Variants in NOTCH2 observed in about 807,000 individuals in gnomAD.
The protein encoded by NOTCH2 is neurogenic locus notch homolog protein 2.
NOTCH2 carries 29 observed loss-of-function variants against 235.8 expected under a neutral mutation model. The ratio of observed to expected loss-of-function variants is 0.12; its 90% CI spans 0.09 to 0.17. The LOEUF (loss-of-function observed/expected upper bound fraction) is 0.17. NOTCH2 is among the 10% of genes least tolerant of loss of function. NOTCH2 has a pLI of 1.00. For synonymous variants in NOTCH2, 1,086 were observed against 1,141.5 expected (o/e 0.95, Z 0.98); for missense variants, 2,285 against 3,150.2 (o/e 0.73, Z 6.57).
chr1:119,959,250 T>C, intron 12 of NOTCH2, 142 bp downstream of exon 12: 1 of 670,388 alleles, frequency 1.5e-6, no homozygotes, highest in African/African-American at 1.8e-5. Context: ...AGAAAACTGA[T>C]CTAGAGAAGC....
Position 119,916,478 on chromosome 1 carries a change from G to A in NOTCH2, c.6244C>T (p.Pro2082Ser), listed in dbSNP as rs1223514910. 3.1e-6 allele frequency: 5 copies of A among 1,612,802 alleles called. No homozygotes were observed. In the East Asian group the frequency reaches 8.9e-5, roughly 29 times the overall value. ...GATCTGTTGGGCCCACAGATGACAG[G>A]TGAGAGAGCAGAAGTCAACACGGTG... is the stretch of plus-strand genomic sequence containing the variant. ...PGTVLTSALSPVICGPNRSFL... is the reference protein window; with the variant it reads ...PGTVLTSALSSVICGPNRSFL... Residue 2082 changes from proline (P) to serine (S), a missense_variant, in exon 34 of 34, where the codon CCT becomes TCT. Transcript: ENST00000256646.
intron 5 of NOTCH2, among the ~76,000 whole-genome samples, chr1:119,981,644 G>T (rs587623836): frequency 6.6e-6 from 1 of 152,192 alleles, no homozygotes; most frequent in South Asian, 2.1e-4. Context: ...CTATCCACTC[G>T]TCCTTGTTTC....
At chr1:119,948,017 T>C (rs781798243) in intron 17 of NOTCH2, among the ~76,000 whole-genome samples, 4 of 152,214 alleles carry the variant, frequency 2.6e-5, no homozygotes, top group Non-Finnish European at 4.4e-5. Context: ...GGGATGAAGA[T>C]AGTTTTAGGG....
intron 1 of NOTCH2, among the ~76,000 whole-genome samples, chr1:120,063,704 C>A (rs1655399603): frequency 6.6e-6 from 1 of 152,166 alleles, no homozygotes; most frequent in African/African-American, 2.4e-5. Flanking sequence ...CAAACAAAAA[C>A]ACTTTGATTT....
Position 119,915,543 on chromosome 1 carries a change from A to G in NOTCH2, c.7179T>C (p.Ala2393=), listed in dbSNP as rs1488404846. The stretch of plus-strand genomic sequence containing the variant: ...GTGTTCGCTCAGCAGCATTTGAGGA[A>G]GCATAACTGTGCTGTGAAGGGGGTG... ...YPTPPSQHSY[A]SSNAAERTPS... The change falls in exon 34 of 34, where the codon GCT becomes GCC. Residue 2393 remains alanine (A), a synonymous_variant. Coordinates refer to ENST00000256646, the MANE Select transcript of NOTCH2 (RefSeq NM_024408.4). 2 of 1,614,070 alleles carry G rather than the reference A, an allele frequency of 1.2e-6. No homozygotes were observed. Among genetic ancestry groups the G allele is most frequent in the Non-Finnish European group, 1.7e-6 (2 of 1,180,022 alleles).
At chr1:119,950,633 C>T (rs782726857) in intron 15 of NOTCH2, 91 bp downstream of exon 15, 13 of 826,762 alleles carry the variant, frequency 1.6e-5, no homozygotes, top group Non-Finnish European at 2.6e-5. Context: ...AGGAGCATTA[C>T]AGCCCCACAG....
At chr1:119,926,367 T>C (rs1035742036) in intron 24 of NOTCH2, 132 bp downstream of exon 24, 16 of 782,444 alleles carry the variant, frequency 2.0e-5, no homozygotes, top group Non-Finnish European at 3.1e-5. Context: ...CCAAGCACTT[T>C]CCTCTGAAAG....
chr1:119,921,613 C>T, intron 29 of NOTCH2, 100 bp downstream of exon 29: 1 of 950,342 alleles, frequency 1.1e-6, no homozygotes, highest in Non-Finnish European at 1.7e-6. Context: ...AAGACTATCA[C>T]TCTTTACTCC....
At chr1:119,922,016 C>T (rs1649301060) in intron 28 of NOTCH2, among the ~76,000 whole-genome samples, 1 of 152,100 alleles carries the variant, frequency 6.6e-6, no homozygotes, top group African/African-American at 2.4e-5. Context: ...AACAAAAGGG[C>T]ACCTCAACAC....
intron 5 of NOTCH2, among the ~76,000 whole-genome samples, chr1:119,985,294 A>T (rs782533983): frequency 3.9e-5 from 6 of 152,202 alleles, no homozygotes; most frequent in Admixed American, 1.3e-4. Flanking sequence ...CAGCAAATCA[A>T]AAGAAATAAA....
rs587689254 is a variant in NOTCH2 at position 119,925,927 on chromosome 1, C to T, written c.4006-117G>A. On this transcript the variant is annotated intron_variant, in intron 24 of 33. Transcript: ENST00000256646. ...TCCCTTCTGTACTTCCCGTTCAGCC[C>T]AAGCCAAGGTTACTAGACAGGTTTC... 4.9e-5 allele frequency: 60 copies of T among 1,222,256 alleles called. No homozygotes were observed. In the East Asian group the frequency reaches 1.5e-3, roughly 31 times the overall value. 75.7% of individuals were successfully genotyped at this position (1,222,256 alleles called of 1,614,324 possible).
chr1:120,009,600 C>A (rs587726458), intron 2 of NOTCH2, among the ~76,000 whole-genome samples: 3 of 152,110 alleles, frequency 2.0e-5, no homozygotes, highest in African/African-American at 7.2e-5. Context: ...AACTTTAATT[C>A]TAATTATTGC....
At chr1:120,038,140 G>GA (rs1369544753) in intron 1 of NOTCH2, among the ~76,000 whole-genome samples, 1 of 151,926 alleles carries the variant, frequency 6.6e-6, no homozygotes, top group Non-Finnish European at 1.5e-5. Flanking sequence ...AAAGACTTCA[G>GA]AAAAAAATTC....
Position 119,915,795 on chromosome 1 carries a change from G to C in NOTCH2, c.6927C>G (p.Leu2309=). The C allele has an allele frequency of 6.2e-7, 1 of 1,612,514 alleles. No individual in the cohort carries two copies. Among genetic ancestry groups the C allele is most frequent in the Non-Finnish European group, 8.5e-7 (1 of 1,178,862 alleles). ...GTTGGGCAATACTGCCTTTAGGGATGAGCTGGAAAGTCACAATGGGGGGCA... is the reference window on the plus strand; with the variant it reads ...GTTGGGCAATACTGCCTTTAGGGATCAGCTGGAAAGTCACAATGGGGGGCA... ...EPLPPIVTFQ[L]IPKGSIAQPA... The change falls in exon 34 of 34, where the codon CTC becomes CTG. Residue 2309 remains leucine, a synonymous_variant. Coordinates refer to ENST00000256646, the MANE Select transcript of NOTCH2 (RefSeq NM_024408.4).
intron 5 of NOTCH2, among the ~76,000 whole-genome samples, chr1:119,969,953 T>C (rs1262587126): frequency 6.6e-6 from 1 of 152,160 alleles, no homozygotes; most frequent in Non-Finnish European, 1.5e-5. Flanking sequence ...AGATGAATAG[T>C]TACTACCGTT....
chr1:119,918,335 C>T (rs953143062), intron 32 of NOTCH2, 71 bp downstream of exon 32: 13 of 1,558,442 alleles, frequency 8.3e-6, no homozygotes, highest in Middle Eastern at 2.1e-4. Context: ...CTAAGGGTCA[C>T]GTAACTCTAT....
intron 22 of NOTCH2, among the ~76,000 whole-genome samples, chr1:119,929,587 A>G (rs781934947): frequency 2.0e-5 from 3 of 152,258 alleles, no homozygotes; most frequent in Non-Finnish European, 2.9e-5. Flanking sequence ...AAAAAAGAAC[A>G]TAACAATAAA....
At chr1:119,946,137 A>G (rs1553197021) in intron 17 of NOTCH2, among the ~76,000 whole-genome samples, 1 of 152,128 alleles carries the variant, frequency 6.6e-6, no homozygotes, top group African/African-American at 2.4e-5. Flanking sequence ...CCAAAGCTCA[A>G]TTAAAAACAG....
At chr1:119,928,457 C>T (rs903326744) in intron 23 of NOTCH2, among the ~76,000 whole-genome samples, 1 of 152,178 alleles carries the variant, frequency 6.6e-6, no homozygotes, top group African/African-American at 2.4e-5. Context: ...GTAATTCAAG[C>T]CATCACATGT....
Sources: gnomAD v4.1 joint callset for allele counts (sites outside exome capture counted in the v4.1 genomes callset) on GRCh38, gnomAD v4.1.1 for gene constraint, MANE v1.5 for transcripts, NCBI Gene and HGNC (gene_info 2026-07-23, HGNC 2026-07-21) for gene names.